GALNT18: variants seen among roughly 807,000 people sequenced by gnomAD.
The protein encoded by GALNT18 is GalNAc-transferase 18.
GALNT18 carries 44 observed loss-of-function variants against 69.5 expected under a neutral mutation model. The ratio of observed to expected loss-of-function variants is 0.63; its 90% CI spans 0.50 to 0.81. GALNT18 has a LOEUF of 0.81. Among genes scored for constraint, GALNT18 ranks in the 40% least tolerant of loss-of-function variants. GALNT18 has a pLI of 0.00. For synonymous variants in GALNT18, 364 were observed against 318.2 expected (o/e 1.14, Z -1.53); for missense variants, 715 against 810.0 (o/e 0.88, Z 1.42).
At chr11:11,282,704 C>T (rs10831571) in intron 10 of GALNT18, among the ~76,000 whole-genome samples, 61,617 of 151,970 alleles carry the variant, frequency 0.41, 12,760 homozygotes, top group Middle Eastern at 0.52. Context: ...ATTAGGTCTG[C>T]TTCCTCTGAG....
chr11:11,482,163 C>A (rs977903898), intron 1 of GALNT18, among the ~76,000 whole-genome samples: 2 of 152,204 alleles, frequency 1.3e-5, no homozygotes, highest in Non-Finnish European at 2.9e-5. Flanking sequence ...TCCACTGGGG[C>A]CTTTGGTGTG....
At position 11,294,296 on chromosome 11, in the gene GALNT18, CGCA is replaced by C. The variant is rs373366098; in HGVS notation, c.1513-1106_1513-1104del. Among the ~76,000 whole-genome samples, 393 of 152,296 alleles carry C rather than the reference CGCA, an allele frequency of 2.6e-3. 6 individuals are homozygous for C. The highest frequency in any genetic ancestry group is 9.0e-3 in the African/African-American group (373 of 41,558). ...GTCTACCAGAGAATTACGTTAGAGACGCAGCACCAGGGTTTTTTACTGGGGGCT... is the reference window on the plus strand; with the variant it reads ...GTCTACCAGAGAATTACGTTAGAGACGCACCAGGGTTTTTTACTGGGGGCT... On this transcript the variant is annotated intron_variant, in intron 9 of 10. Transcript: ENST00000227756.
In GALNT18 at chr11:11,537,920, C is replaced by T. The variant is rs547406885; in HGVS notation, c.235+83439G>A. 1.4e-4 allele frequency among the ~76,000 whole-genome samples: 22 copies of T among 152,124 alleles called. No individual in the cohort carries two copies. The South Asian group carries it at 1.7e-3, about 12-fold the overall frequency. On this transcript the variant is annotated intron_variant, in intron 1 of 10. Transcript: ENST00000227756. ...TCCTTGGGAAATATGACCTGGCCTC[C>T]GAATAAAGGATGAGTTACAGCCCAG...
intron 9 of GALNT18, among the ~76,000 whole-genome samples, chr11:11,304,445 A>T (rs4910309): frequency 0.61 from 93,014 of 151,984 alleles, 29,279 homozygotes; most frequent in Admixed American, 0.75. Flanking sequence ...TTGGAAGGTA[A>T]TGCTCAAAAC....
At chr11:11,517,771 C>T (rs1857313481) in intron 1 of GALNT18, among the ~76,000 whole-genome samples, 1 of 152,150 alleles carries the variant, frequency 6.6e-6, no homozygotes, top group Non-Finnish European at 1.5e-5. Context: ...CTTCTCACCC[C>T]CGTGGTCCCT....
At chr11:11,479,804 T>C (rs1856483898) in intron 1 of GALNT18, among the ~76,000 whole-genome samples, 1 of 152,128 alleles carries the variant, frequency 6.6e-6, no homozygotes, top group Admixed American at 6.5e-5. Flanking sequence ...TGTGGACCAA[T>C]GTTTTCTTCT....
At chr11:11,473,274 G>A (rs895833930) in intron 1 of GALNT18, among the ~76,000 whole-genome samples, 3 of 152,138 alleles carry the variant, frequency 2.0e-5, no homozygotes, top group Admixed American at 6.5e-5. Flanking sequence ...AAGAGCTTTG[G>A]ATGAGTGAAA....
intron 6 of GALNT18, among the ~76,000 whole-genome samples, chr11:11,355,088 G>A (rs932055434): frequency 3.3e-5 from 5 of 152,132 alleles, no homozygotes; most frequent in African/African-American, 4.8e-5. Context: ...TGGTCTTTCT[G>A]CGTTGTCGTG....
chr11:11,336,710 C>T (rs889547523), intron 7 of GALNT18, among the ~76,000 whole-genome samples: 1 of 152,170 alleles, frequency 6.6e-6, no homozygotes, highest in Non-Finnish European at 1.5e-5. Flanking sequence ...CATATAGCAT[C>T]CATGCATCCT....
In GALNT18 at chr11:11,396,410, T is replaced by C. The variant is rs1053142797; in HGVS notation, c.596-17146A>G. Among the ~76,000 whole-genome samples, 1 of 152,070 alleles carries C rather than the reference T, an allele frequency of 6.6e-6. No individual in the cohort carries two copies. Among genetic ancestry groups the C allele is most frequent in the Non-Finnish European group, 1.5e-5 (1 of 68,016 alleles). The stretch of plus-strand genomic sequence containing the variant: ...AGGAGAAACGCATGAAATGGGTTAC[T>C]ATGGAGAGCTGCAGGGATGATGGAG... On this transcript the variant is annotated intron_variant, in intron 3 of 10. Coordinates refer to ENST00000227756, the MANE Select transcript of GALNT18 (RefSeq NM_198516.3). The surrounding 1 kb of genome is among the most constrained non-coding windows in gnomAD (Gnocchi z 5.2).
At chr11:11,302,827 A>G (rs1849521229) in intron 9 of GALNT18, among the ~76,000 whole-genome samples, 1 of 152,252 alleles carries the variant, frequency 6.6e-6, no homozygotes, top group Non-Finnish European at 1.5e-5. Flanking sequence ...CTTAAAAGGC[A>G]GAGAGACTGA....
Position 11,382,284 on chromosome 11 carries a change from G to A in GALNT18, c.596-3020C>T, listed in dbSNP as rs748720809. On this transcript the variant is annotated intron_variant, in intron 3 of 10. Coordinates refer to ENST00000227756, the MANE Select transcript of GALNT18 (RefSeq NM_198516.3). This position sits in a 1 kb window ranked among gnomAD's most constrained non-coding sequence, Gnocchi z 4.3. ...GCCTTGAAGTACCCTAGATGATACT[G>A]GCTCTGTCTTTGCAAAGTACCTTTA... 6.6e-6 allele frequency among the ~76,000 whole-genome samples: 1 copy of A among 152,206 alleles called. No homozygotes were observed. Among genetic ancestry groups the A allele is most frequent in the Non-Finnish European group, 1.5e-5 (1 of 68,040 alleles).
chr11:11,427,992 AT>A, intron 3 of GALNT18, among the ~76,000 whole-genome samples: 1 of 152,252 alleles, frequency 6.6e-6, no homozygotes, highest in African/African-American at 2.4e-5. Flanking sequence ...GTCCTAGAAC[AT>A]TTCATCCCCA....
chr11:11,342,780 G>T (rs1052246115), intron 6 of GALNT18, among the ~76,000 whole-genome samples: 2 of 152,212 alleles, frequency 1.3e-5, no homozygotes, highest in Non-Finnish European at 2.9e-5. Flanking sequence ...TCCTGGCTCT[G>T]CTCCATGCCT....
chr11:11,511,812 A>G lies in GALNT18; in HGVS notation c.236-62876T>C, dbSNP rs1040576068. On this transcript the variant is annotated intron_variant, in intron 1 of 10. Coordinates refer to ENST00000227756, the MANE Select transcript of GALNT18 (RefSeq NM_198516.3). This position sits in a 1 kb window ranked among gnomAD's most constrained non-coding sequence, Gnocchi z 4.9. ...GAGAAGTTGGCAGTAAACAACCCAG[A>G]AGAGGGCCCTCACCAGACCCGGACC... is the stretch of plus-strand genomic sequence containing the variant. Among the ~76,000 whole-genome samples, 1 of 152,144 alleles carries G rather than the reference A, an allele frequency of 6.6e-6. No individual in the cohort carries two copies. Among genetic ancestry groups the G allele is most frequent in the Non-Finnish European group, 1.5e-5 (1 of 68,022 alleles).
intron 7 of GALNT18, among the ~76,000 whole-genome samples, chr11:11,334,665 C>T (rs1205815746): frequency 3.9e-5 from 6 of 152,128 alleles, no homozygotes; most frequent in Non-Finnish European, 7.4e-5. Context: ...AGTTCTAGAA[C>T]GACAAGGAGC....
At chr11:11,484,683 A>G (rs1004978572) in intron 1 of GALNT18, among the ~76,000 whole-genome samples, 1 of 151,776 alleles carries the variant, frequency 6.6e-6, no homozygotes, top group Non-Finnish European at 1.5e-5. Flanking sequence ...TGGAATGGAC[A>G]CTAGATGGAG....
At chr11:11,526,555 G>A (rs1857530565) in intron 1 of GALNT18, among the ~76,000 whole-genome samples, 1 of 151,932 alleles carries the variant, frequency 6.6e-6, no homozygotes, top group Admixed American at 6.6e-5. Context: ...TTTGTCAGGG[G>A]AGAGCTGGTT....
chr11:11,392,069 T>C (rs1854206910), intron 3 of GALNT18, among the ~76,000 whole-genome samples: 1 of 152,240 alleles, frequency 6.6e-6, no homozygotes, highest in Admixed American at 6.5e-5. Context: ...TAGTACTGTT[T>C]TTCTTTGGTT....
Sources: gnomAD v4.1 joint callset for allele counts (sites outside exome capture counted in the v4.1 genomes callset) on GRCh38, gnomAD v4.1.1 for gene constraint, Gnocchi (gnomAD v3.1) non-coding constraint, MANE v1.5 for transcripts, NCBI Gene and HGNC (gene_info 2026-07-23, HGNC 2026-07-21) for gene names.